The following WDR7 variants were observed in gnomAD, a reference collection of about 807,000 sequenced individuals.
WDR7 encodes WD repeat-containing protein 7.
WDR7 carries 46 observed loss-of-function variants against 169.4 expected under a neutral mutation model. That is an observed-to-expected ratio of 0.27 (90% confidence interval 0.21 to 0.35). The LOEUF is 0.35. Ranked by LOEUF, WDR7 falls within the 10% of genes least tolerant of loss-of-function variation. WDR7 has a pLI of 1.00. For missense variants in WDR7, 1,534 were observed against 1,859.3 expected, an observed-to-expected ratio of 0.83 and a Z score of 3.22; for synonymous variants, 612 against 666.8, an observed-to-expected ratio of 0.92 and a Z score of 1.27.
chr18:56,757,558 G>A (rs2144946629), intron 15 of WDR7, among the ~76,000 whole-genome samples: 1 of 152,122 alleles, frequency 6.6e-6, no homozygotes, highest in Admixed American at 6.5e-5. Flanking sequence ...TGTATGATTG[G>A]CATACTTAGA....
chr18:56,821,116 A>C (rs1195698503), intron 20 of WDR7, among the ~76,000 whole-genome samples: 3 of 152,206 alleles, frequency 2.0e-5, no homozygotes, highest in African/African-American at 7.2e-5. Context: ...ATTGAATAAA[A>C]TAGGCAATCA....
At chr18:57,023,650 G>A (rs939033354) in intron 27 of WDR7, among the ~76,000 whole-genome samples, 8 of 152,192 alleles carry the variant, frequency 5.3e-5, no homozygotes, top group Non-Finnish European at 1.2e-4. Context: ...ATCAAATGAT[G>A]TAATTTGGCA....
At chr18:56,936,278 T>C (rs944504869) in intron 23 of WDR7, 1 of 168,310 alleles carries the variant, frequency 5.9e-6, no homozygotes, top group Non-Finnish European at 1.3e-5. Context: ...TAGTACTGGC[T>C]CTCTAACTGT....
intron 14 of WDR7, among the ~76,000 whole-genome samples, chr18:56,752,899 C>A (rs1196855010): frequency 6.6e-6 from 1 of 152,106 alleles, no homozygotes; most frequent in Admixed American, 6.6e-5. Flanking sequence ...ATGATTCTGG[C>A]ATAAGCATAT....
chr18:56,692,261 G>C (rs1408687879), intron 9 of WDR7, among the ~76,000 whole-genome samples: 1 of 152,016 alleles, frequency 6.6e-6, no homozygotes, highest in African/African-American at 2.4e-5. Flanking sequence ...TAAATCATTA[G>C]AAACTAGAAA....
intron 21 of WDR7, among the ~76,000 whole-genome samples, chr18:56,902,574 G>A (rs1229516840): frequency 6.6e-6 from 1 of 152,096 alleles, no homozygotes; most frequent in African/African-American, 2.4e-5. Context: ...TGGTATTAAG[G>A]ACTATTGTAT....
chr18:56,911,604 C>T (rs1339750544), intron 21 of WDR7, among the ~76,000 whole-genome samples: 2 of 152,192 alleles, frequency 1.3e-5, no homozygotes, highest in African/African-American at 4.8e-5. Flanking sequence ...GCATACTTAT[C>T]TGGGGTCTTT....
chr18:56,850,085 A>G (rs1416711069), intron 20 of WDR7, among the ~76,000 whole-genome samples: 1 of 152,130 alleles, frequency 6.6e-6, no homozygotes, highest in Non-Finnish European at 1.5e-5. Context: ...CCTCTTTCCC[A>G]GAACTTCACA....
chr18:56,837,237 T>C (rs2045410008), intron 20 of WDR7, among the ~76,000 whole-genome samples: 1 of 152,238 alleles, frequency 6.6e-6, no homozygotes, highest in South Asian at 2.1e-4. Flanking sequence ...TTTTTATGGT[T>C]ATGACTTGTA....
chr18:56,754,632 G>A (rs2043854764), intron 14 of WDR7, among the ~76,000 whole-genome samples: 1 of 151,980 alleles, frequency 6.6e-6, no homozygotes, highest in Admixed American at 6.6e-5. Context: ...GGTTAGATGT[G>A]CCCAGAAAAG....
At chr18:56,689,329 C>T (rs1043825638) in intron 7 of WDR7, among the ~76,000 whole-genome samples, 13 of 152,124 alleles carry the variant, frequency 8.5e-5, no homozygotes, top group African/African-American at 2.9e-4. Flanking sequence ...GGTGCAATCT[C>T]GGCTCACTGT....
At chr18:56,733,293 T>A (rs2026627773) in intron 14 of WDR7, among the ~76,000 whole-genome samples, 1 of 152,152 alleles carries the variant, frequency 6.6e-6, no homozygotes, top group South Asian at 2.1e-4. Context: ...AAAATGTATG[T>A]TGGCTGGACC....
chr18:56,675,583 T>C (rs553414760), intron 2 of WDR7, among the ~76,000 whole-genome samples: 2 of 152,030 alleles, frequency 1.3e-5, no homozygotes, highest in East Asian at 3.9e-4. Flanking sequence ...ATTGGACTTA[T>C]TACTTCTAAT....
intron 21 of WDR7, among the ~76,000 whole-genome samples, chr18:56,894,432 G>C (rs923893347): frequency 6.6e-5 from 10 of 150,724 alleles, no homozygotes; most frequent in African/African-American, 2.4e-4. Context: ...CCTTCTGCTG[G>C]GACACTCTTT....
chr18:56,885,115 A>G (rs2046168353), intron 21 of WDR7, among the ~76,000 whole-genome samples: 1 of 152,176 alleles, frequency 6.6e-6, no homozygotes, highest in Non-Finnish European at 1.5e-5. Flanking sequence ...GGAGCACCCC[A>G]TGGGACAAAA....
intron 1 of WDR7, among the ~76,000 whole-genome samples, chr18:56,666,262 G>A (rs1431398875): frequency 1.5e-5 from 2 of 133,024 alleles, no homozygotes; most frequent in Non-Finnish European, 3.1e-5. Context: ...GGAGTGCAAC[G>A]GCACAATCTT....
At chr18:56,781,361 C>T (rs1221633042) in intron 18 of WDR7, among the ~76,000 whole-genome samples, 172 bp from the exon 19 acceptor site, 2 of 152,094 alleles carry the variant, frequency 1.3e-5, no homozygotes, top group African/African-American at 4.8e-5. Context: ...TGATGATTTG[C>T]TAGCATCTGA....
At chr18:56,703,623 TG>T (rs576504393) in intron 12 of WDR7, among the ~76,000 whole-genome samples, 280 of 152,250 alleles carry the variant, frequency 1.8e-3, no homozygotes, top group African/African-American at 6.4e-3. Flanking sequence ...TATATTTTTA[TG>T]TATTTGGCAC....
chr18:56,794,831 A>G (rs1363800821), intron 19 of WDR7, among the ~76,000 whole-genome samples: 1 of 152,192 alleles, frequency 6.6e-6, no homozygotes, highest in Non-Finnish European at 1.5e-5. Flanking sequence ...TAGAGTTTCT[A>G]TCAATCAATC....
Sources: gnomAD v4.1 joint callset for allele counts (sites outside exome capture counted in the v4.1 genomes callset) on GRCh38, gnomAD v4.1.1 for gene constraint, MANE v1.5 for transcripts, NCBI Gene and HGNC (gene_info 2026-07-23, HGNC 2026-07-21) for gene names.